Variants in SAMD12 observed in about 807,000 individuals in gnomAD.
SAMD12 encodes the protein sterile alpha motif domain-containing protein 12.
In SAMD12, 9 loss-of-function variants were observed where a neutral mutation model predicts 15.0. The ratio of observed to expected loss-of-function variants is 0.60; its 90% confidence interval spans 0.36 to 1.05. The LOEUF is 1.05. SAMD12 is among the 50% of genes least tolerant of loss of function. The probability of loss-of-function intolerance (pLI) is 0.01; values close to 1 mark genes in which losing one functional copy is unlikely to be tolerated. For missense variants in SAMD12, 230 were observed against 234.2 expected, an observed-to-expected ratio of 0.98 and a Z score of 0.12; for synonymous variants, 86 against 90.1, an observed-to-expected ratio of 0.96 and a Z score of 0.25.
At position 118,310,301 on chromosome 8, in the gene SAMD12, G is replaced by T. The variant is rs147352456; in HGVS notation, c.433+69259C>A. Among the ~76,000 whole-genome samples, 10 of 152,274 alleles carry T rather than the reference G, an allele frequency of 6.6e-5. 1 individual carries two copies. Among genetic ancestry groups the T allele is most frequent in the African/African-American group, 2.4e-4 (10 of 41,556 alleles). The stretch of plus-strand genomic sequence containing the variant: ...TATCTGCTTGCTTTTCTACCTTGAT[G>T]AGTATGTGGTGTTCAGTATCTATTC... On this transcript the variant is annotated intron_variant, in intron 4 of 4. Coordinates refer to the SAMD12 transcript ENST00000409003.
intron 4 of SAMD12, among the ~76,000 whole-genome samples, chr8:118,359,795 CATATAATAAAT>C (rs1163099436): frequency 6.6e-6 from 1 of 152,148 alleles, no homozygotes; most frequent in Non-Finnish European, 1.5e-5. Flanking sequence ...ACATAATAAA[CATATAATAAAT>C]GATAGTGATT....
At chr8:118,232,126 A>G (rs1170322702) in intron 4 of SAMD12, among the ~76,000 whole-genome samples, 1 of 152,042 alleles carries the variant, frequency 6.6e-6, no homozygotes, top group Non-Finnish European at 1.5e-5. Context: ...TATAGCATTT[A>G]CCCCACTGTT....
At chr8:118,426,549 A>C (rs561160611) in intron 3 of SAMD12, among the ~76,000 whole-genome samples, 1 of 152,324 alleles carries the variant, frequency 6.6e-6, no homozygotes, top group South Asian at 2.1e-4. Flanking sequence ...GGATTTTCTA[A>C]AGCAAGGCTG....
intron 2 of SAMD12, among the ~76,000 whole-genome samples, chr8:118,452,162 G>T (rs1823105174): frequency 6.7e-6 from 1 of 150,296 alleles, no homozygotes; most frequent in Admixed American, 6.6e-5. Flanking sequence ...AACCACATCG[G>T]CACCATGATC....
intron 2 of SAMD12, among the ~76,000 whole-genome samples, chr8:118,462,991 C>T (rs1266663306): frequency 6.7e-6 from 1 of 150,068 alleles, no homozygotes; most frequent in African/African-American, 2.5e-5. Context: ...GTCCCAGCTA[C>T]ACAGGAGGCT....
chr8:118,614,123 T>C (rs991300588), intron 1 of SAMD12, among the ~76,000 whole-genome samples: 5 of 151,852 alleles, frequency 3.3e-5, no homozygotes, highest in African/African-American at 1.2e-4. Context: ...CATGGGGCTA[T>C]AAAAATGCTA....
chr8:118,136,683 A>C, the SAMD12 span, among the ~76,000 whole-genome samples: 1 of 152,216 alleles, frequency 6.6e-6, no homozygotes, highest in Admixed American at 6.5e-5. Context: ...GTTGGTGTAC[A>C]CAGCTGATGT....
intron 1 of SAMD12, among the ~76,000 whole-genome samples, chr8:118,617,046 AG>A (rs1828257075): frequency 6.6e-6 from 1 of 152,266 alleles, no homozygotes; most frequent in Admixed American, 6.5e-5. Context: ...CCACTAGCAT[AG>A]AGGGAGGCAT....
chr8:118,208,990 T>G (rs1348861347), intron 4 of SAMD12, among the ~76,000 whole-genome samples: 1 of 152,200 alleles, frequency 6.6e-6, no homozygotes, highest in East Asian at 1.9e-4. Flanking sequence ...AGAAAAGGCT[T>G]CATAAACATT....
chr8:118,270,348 T>A lies in SAMD12; in HGVS notation c.434-72616A>T, dbSNP rs183161411. ...ATAAAATAAAACGACTTTTCTTTCC[T>A]TTTATATGTTTGTGTATTTTTCTTT... On this transcript the variant is annotated intron_variant, in intron 4 of 4. Coordinates refer to the SAMD12 transcript ENST00000409003. Among the ~76,000 whole-genome samples, 13 of 152,318 alleles carry A rather than the reference T, an allele frequency of 8.5e-5. No individual in the cohort carries two copies. In the South Asian group the frequency reaches 1.0e-3, roughly 12 times the overall value.
rs562057486 is a variant in SAMD12, at chr8:118,536,036, C to T, written c.192+44679G>A. ...TGCAGAAATCACCTGTCTTCTGCGT[C>T]GCTCACGCTGGGAGCTGTAGACTGG... On this transcript the variant is annotated intron_variant, in intron 2 of 3. Transcript: ENST00000314727. Among the ~76,000 whole-genome samples, 15 of 152,314 alleles carry T rather than the reference C, an allele frequency of 9.8e-5. No homozygotes were observed. The South Asian group carries it at 1.0e-3, about 11-fold the overall frequency.
chr8:118,249,002 A>C (rs1812760787), intron 4 of SAMD12, among the ~76,000 whole-genome samples: 1 of 152,162 alleles, frequency 6.6e-6, no homozygotes, highest in Non-Finnish European at 1.5e-5. Context: ...ACGGATCCCA[A>C]AATCTGTGAA....
chr8:118,179,343 A>C, the SAMD12 span, among the ~76,000 whole-genome samples: 1 of 151,924 alleles, frequency 6.6e-6, no homozygotes, highest in Non-Finnish European at 1.5e-5. Flanking sequence ...AGTCTGTGGC[A>C]AGAGAATCGC....
intron 2 of SAMD12, among the ~76,000 whole-genome samples, chr8:118,511,678 A>G (rs76494375): frequency 6.6e-6 from 1 of 152,136 alleles, no homozygotes; most frequent in Non-Finnish European, 1.5e-5. Context: ...ATATTTCTCA[A>G]CACTACGCAA....
At chr8:118,261,632 GA>G (rs1048630943) in intron 4 of SAMD12, among the ~76,000 whole-genome samples, 2 of 145,402 alleles carry the variant, frequency 1.4e-5, no homozygotes, top group African/African-American at 2.8e-5. Context: ...GAAAACACAT[GA>G]TTTTTTTTTT....
At chr8:118,592,094 G>C (rs1563601488) in intron 1 of SAMD12, among the ~76,000 whole-genome samples, 1 of 152,114 alleles carries the variant, frequency 6.6e-6, no homozygotes, top group African/African-American at 2.4e-5. Flanking sequence ...GGCCAAGGTG[G>C]GTGGATCACC....
intron 2 of SAMD12, among the ~76,000 whole-genome samples, chr8:118,507,942 G>C (rs576930319): frequency 6.6e-6 from 1 of 151,960 alleles, no homozygotes; most frequent in East Asian, 1.9e-4. Context: ...TGTTTCAAAG[G>C]GAAGGTGATG....
intron 2 of SAMD12, among the ~76,000 whole-genome samples, chr8:118,455,268 C>CCTGTCTCT (rs1823212087): frequency 6.7e-6 from 1 of 148,628 alleles, no homozygotes. Context: ...GGCTTTCACA[C>CCTGTCTCT]CTCTCTCTCT....
intron 4 of SAMD12, among the ~76,000 whole-genome samples, chr8:118,226,677 A>C (rs930202998): frequency 3.9e-5 from 6 of 152,220 alleles, no homozygotes; most frequent in African/African-American, 1.4e-4. Flanking sequence ...GAAAGTAATA[A>C]TGAGGAGGTA....
Sources: allele counts gnomAD v4.1 joint callset (sites outside exome capture counted in the v4.1 genomes callset), GRCh38; gene constraint gnomAD v4.1.1; transcripts MANE v1.5; gene names NCBI Gene and HGNC (gene_info 2026-07-23, HGNC 2026-07-21).